Variants in ATG5 observed in about 807,000 individuals in gnomAD.
ATG5 encodes autophagy protein 5.
In ATG5, 14 loss-of-function variants were observed where a neutral mutation model predicts 36.5. The observed-to-expected ratio is 0.38, with a 90% CI of 0.25 to 0.60. The LOEUF (loss-of-function observed/expected upper bound fraction) is 0.60. Ranked by LOEUF, ATG5 falls within the 20% of genes least tolerant of loss-of-function variation. The pLI is 0.60. For missense variants in ATG5, 195 were observed against 326.7 expected (o/e 0.60, Z 3.11); for synonymous variants, 95 against 101.5 (o/e 0.94, Z 0.38).
chr6:106,303,412 A>G (rs1770293958), intron 3 of ATG5, among the ~76,000 whole-genome samples: 1 of 152,158 alleles, frequency 6.6e-6, no homozygotes, highest in Admixed American at 6.5e-5. Context: ...AAGAAATTGA[A>G]TTGGTAATTA....
chr6:106,306,011 A>G (rs1351910667), intron 3 of ATG5, among the ~76,000 whole-genome samples: 1 of 152,226 alleles, frequency 6.6e-6, no homozygotes, highest in African/African-American at 2.4e-5. Flanking sequence ...TATAGCTACA[A>G]TGAGCTTACA....
chr6:106,303,618 A>T (rs1227590021), intron 3 of ATG5, among the ~76,000 whole-genome samples: 3 of 152,144 alleles, frequency 2.0e-5, no homozygotes, highest in Non-Finnish European at 4.4e-5. Flanking sequence ...GAAAACTACA[A>T]TCCCTCTTAT....
At chr6:106,203,739 C>T (rs993960555) in intron 6 of ATG5, among the ~76,000 whole-genome samples, 2 of 152,200 alleles carry the variant, frequency 1.3e-5, no homozygotes, top group Middle Eastern at 3.2e-3. Flanking sequence ...AGCCACCATG[C>T]TCAGCTAATT....
intron 6 of ATG5, among the ~76,000 whole-genome samples, chr6:106,246,656 T>C (rs1778352009): frequency 6.6e-6 from 1 of 152,196 alleles, no homozygotes; most frequent in Non-Finnish European, 1.5e-5. Flanking sequence ...CTTGTATAAA[T>C]ATATATGCCA....
intron 6 of ATG5, among the ~76,000 whole-genome samples, chr6:106,224,975 A>G (rs563568937): frequency 6.6e-6 from 1 of 152,378 alleles, no homozygotes; most frequent in East Asian, 1.9e-4. Flanking sequence ...GTCATAAAAC[A>G]AAAGAATACA....
At chr6:106,220,240 T>C (rs1283215323) in intron 6 of ATG5, among the ~76,000 whole-genome samples, 1 of 152,200 alleles carries the variant, frequency 6.6e-6, no homozygotes, top group Admixed American at 6.5e-5. Flanking sequence ...CATATGTCAA[T>C]ATCTGTATCA....
chr6:106,201,004 T>G (rs987666579), intron 7 of ATG5, among the ~76,000 whole-genome samples: 2 of 152,220 alleles, frequency 1.3e-5, no homozygotes, highest in Non-Finnish European at 2.9e-5. Context: ...AATATTTGCA[T>G]ATAACCTATG....
intron 5 of ATG5, among the ~76,000 whole-genome samples, chr6:106,272,147 G>A (rs1779477162): frequency 6.6e-6 from 1 of 152,118 alleles, no homozygotes; most frequent in Admixed American, 6.5e-5. Flanking sequence ...ATCACCACTG[G>A]TATAGACCAC....
intron 5 of ATG5, among the ~76,000 whole-genome samples, chr6:106,257,863 A>G (rs1367271974): frequency 1.3e-5 from 2 of 152,240 alleles, no homozygotes; most frequent in African/African-American, 4.8e-5. Context: ...TAGAAAAAAC[A>G]GCATGCTCAA....
chr6:106,298,112 G>A lies in ATG5; in HGVS notation c.237-5006C>T, dbSNP rs1027056324. 7.9e-5 allele frequency among the ~76,000 whole-genome samples: 12 copies of A among 151,622 alleles called. No homozygotes were observed. In the East Asian group the frequency reaches 9.7e-4, roughly 12 times the overall value. On this transcript the variant is annotated intron_variant, in intron 3 of 7. Transcript: ENST00000369076. ...CCCGAGTAGCTGGGATTACAGGCGCGTACCACCACACCTGGCTAATGTTTG... is the reference window on the plus strand; with the variant it reads ...CCCGAGTAGCTGGGATTACAGGCGCATACCACCACACCTGGCTAATGTTTG...
At chr6:106,243,809 C>A (rs754676000) in intron 6 of ATG5, among the ~76,000 whole-genome samples, 1 of 146,426 alleles carries the variant, frequency 6.8e-6, no homozygotes, top group South Asian at 2.2e-4. Context: ...CCAGCCTGGG[C>A]GACAGAGCAA....
intron 6 of ATG5, among the ~76,000 whole-genome samples, chr6:106,246,371 GTCTCTCTCTC>G (rs761408773): frequency 8.0e-6 from 1 of 124,604 alleles, no homozygotes; most frequent in African/African-American, 2.9e-5. Context: ...CTCTGTCTCT[GTCTCTCTCTC>G]TCTCTCTCTC....
At chr6:106,278,112 A>C (rs1274517720) in intron 5 of ATG5, among the ~76,000 whole-genome samples, 1 of 152,022 alleles carries the variant, frequency 6.6e-6, no homozygotes, top group Non-Finnish European at 1.5e-5. Flanking sequence ...GCTAATGTTT[A>C]GATTTTTTTG....
intron 2 of ATG5, among the ~76,000 whole-genome samples, chr6:106,309,762 G>T (rs993304910): frequency 6.6e-6 from 1 of 152,012 alleles, no homozygotes; most frequent in Non-Finnish European, 1.5e-5. Context: ...CTTTAAAAAA[G>T]CAAAACAGCG....
At chr6:106,297,949 G>T (rs970234881) in intron 3 of ATG5, among the ~76,000 whole-genome samples, 1 of 150,250 alleles carries the variant, frequency 6.7e-6, no homozygotes, top group African/African-American at 2.5e-5. Flanking sequence ...AACAGAGGGA[G>T]ACCCTGTCAA....
intron 6 of ATG5, among the ~76,000 whole-genome samples, chr6:106,223,813 C>T (rs1230366777): frequency 1.3e-5 from 2 of 152,162 alleles, no homozygotes; most frequent in African/African-American, 4.8e-5. Context: ...AAGAACAAGG[C>T]TGAAGATCTA....
chr6:106,251,540 T>G (rs900007369), intron 5 of ATG5, among the ~76,000 whole-genome samples: 1 of 146,518 alleles, frequency 6.8e-6, no homozygotes, highest in African/African-American at 2.5e-5. Context: ...AAAAAATCTG[T>G]ATTAATTGAT....
chr6:106,272,104 A>G (rs1562248567), intron 5 of ATG5, among the ~76,000 whole-genome samples: 2 of 152,128 alleles, frequency 1.3e-5, no homozygotes, highest in African/African-American at 4.8e-5. Flanking sequence ...TTTTTCTCTC[A>G]TGGCACTCAT....
chr6:106,307,473 A>G (rs1038384880), intron 3 of ATG5, among the ~76,000 whole-genome samples: 6 of 152,026 alleles, frequency 3.9e-5, no homozygotes, highest in Admixed American at 6.6e-5. Flanking sequence ...ATAACAGAGG[A>G]AGCACCAAAA....
Sources: allele counts gnomAD v4.1 joint callset (sites outside exome capture counted in the v4.1 genomes callset), GRCh38; gene constraint gnomAD v4.1.1; transcripts MANE v1.5; gene names NCBI Gene and HGNC (gene_info 2026-07-23, HGNC 2026-07-21).